The following DOCK1 variants were observed in gnomAD, a reference collection of about 807,000 sequenced individuals.
The protein encoded by DOCK1 is dedicator of cytokinesis protein 1.
A neutral mutation model predicts 262.7 loss-of-function variants in DOCK1; 138 were observed. The ratio of observed to expected loss-of-function variants is 0.53; its 90% CI spans 0.46 to 0.61. The LOEUF (loss-of-function observed/expected upper bound fraction) is 0.61. Among genes scored for constraint, DOCK1 ranks in the 20% least tolerant of loss-of-function variants. DOCK1 has a pLI of 0.00. For synonymous variants in DOCK1, 866 were observed against 867.4 expected, an observed-to-expected ratio of 1.00 and a Z score of 0.03; for missense variants, 1,908 against 2,370.7, an observed-to-expected ratio of 0.80 and a Z score of 4.05.
At chr10:127,270,546 TCTTCCTTC>T (rs1300834752) in intron 29 of DOCK1, among the ~76,000 whole-genome samples, 1 of 131,592 alleles carries the variant, frequency 7.6e-6, no homozygotes, top group South Asian at 2.9e-4. Flanking sequence ...TCCCTCCCTC[TCTTCCTTC>T]CTTCCTTCCT....
At chr10:127,169,749 C>T (rs1370285139) in intron 27 of DOCK1, among the ~76,000 whole-genome samples, 2 of 152,122 alleles carry the variant, frequency 1.3e-5, no homozygotes, top group East Asian at 3.9e-4. Context: ...GACCCTGAGC[C>T]CCTGCAGTAA....
intron 1 of DOCK1, among the ~76,000 whole-genome samples, chr10:126,954,081 C>T (rs1157487387): frequency 6.6e-6 from 1 of 152,228 alleles, no homozygotes; most frequent in East Asian, 1.9e-4. Context: ...TGTAAGCAAG[C>T]AAACAGGGTT....
At position 127,073,435 on chromosome 10, in the gene DOCK1, C is replaced by A. The variant is rs546914268; in HGVS notation, c.2445+11659C>A. Among the ~76,000 whole-genome samples the A allele has an allele frequency of 4.0e-3, 605 of 152,340 alleles. 1 individual carries two copies. Among genetic ancestry groups the A allele is most frequent in the Middle Eastern group, 6.8e-3 (2 of 294 alleles). Reference sequence around the variant, plus strand: ...GCTCCAGTAGTCTAATTACAGAAACCCAACTCCAATTCACATTAGAAAGAA... The same window carrying A: ...GCTCCAGTAGTCTAATTACAGAAACACAACTCCAATTCACATTAGAAAGAA... On this transcript the variant is annotated intron_variant, in intron 23 of 51. Coordinates refer to ENST00000623213, the MANE Select transcript of DOCK1 (RefSeq NM_001290223.2).
intron 38 of DOCK1, among the ~76,000 whole-genome samples, chr10:127,393,690 G>A (rs1220310375): frequency 1.3e-5 from 2 of 152,108 alleles, no homozygotes; most frequent in African/African-American, 4.8e-5. Flanking sequence ...TATTGGACAC[G>A]GGCTTTTGAA....
Position 127,106,304 on chromosome 10 carries a change from A to G in DOCK1, c.2516+3A>G, listed in dbSNP as rs1162803316. Reference sequence around the variant, plus strand: ...GTGTTTGATCCCAAAGAGCTCAGGTAAGTATGCAGCCCAGGCGAATGCTTG... The same window carrying G: ...GTGTTTGATCCCAAAGAGCTCAGGTGAGTATGCAGCCCAGGCGAATGCTTG... On this transcript the variant is annotated splice_donor_region_variant and intron_variant, in intron 24 of 51. Transcript: ENST00000623213. 3.1e-6 allele frequency: 5 copies of G among 1,594,340 alleles called. No individual in the cohort carries two copies. The African/African-American group carries it at 4.0e-5, about 13-fold the overall frequency.
intron 10 of DOCK1, among the ~76,000 whole-genome samples, chr10:127,005,333 G>GA (rs150192399): frequency 0.12 from 16,670 of 144,954 alleles, 1,031 homozygotes; most frequent in Non-Finnish European, 0.15. Flanking sequence ...CACTCAAAAA[G>GA]AAAAAAAAAA....
chr10:127,349,726 G>A (rs1265998080), intron 31 of DOCK1, among the ~76,000 whole-genome samples: 1 of 152,142 alleles, frequency 6.6e-6, no homozygotes, highest in Non-Finnish European at 1.5e-5. Flanking sequence ...AGGTTCTGAG[G>A]GAGAAGCTAT....
At chr10:126,983,216 T>G (rs2039106337) in intron 4 of DOCK1, among the ~76,000 whole-genome samples, 1 of 152,152 alleles carries the variant, frequency 6.6e-6, no homozygotes, top group African/African-American at 2.4e-5. Flanking sequence ...TTCTCCACAC[T>G]GTTTTCCTGG....
At chr10:127,095,977 C>G (rs577056319) in intron 23 of DOCK1, among the ~76,000 whole-genome samples, 1 of 151,982 alleles carries the variant, frequency 6.6e-6, no homozygotes, top group Admixed American at 6.6e-5. Context: ...TTGAGTGAAC[C>G]GAAGCATTGG....
intron 12 of DOCK1, among the ~76,000 whole-genome samples, chr10:127,017,021 T>A (rs2041981227): frequency 2.2e-5 from 1 of 45,186 alleles, no homozygotes; most frequent in East Asian, 5.9e-4. Flanking sequence ...AACACAGATA[T>A]GCAGATACAG....
Position 127,310,222 on chromosome 10 carries a change from TTTTCTATGAA to T in DOCK1, c.3045-28782_3045-28773del, listed in dbSNP as rs1248272365. 5.3e-5 allele frequency among the ~76,000 whole-genome samples: 8 copies of T among 152,166 alleles called. No individual in the cohort carries two copies. In the East Asian group the frequency reaches 1.4e-3, roughly 26 times the overall value. On this transcript the variant is annotated intron_variant, in intron 29 of 51. Coordinates refer to ENST00000623213, the MANE Select transcript of DOCK1 (RefSeq NM_001290223.2). ...TCCTGGTGAGAATCGGACCTGGGAT[TTTTCTATGAA>T]TGAGAGCCTGTTGTATGCCATACCC...
chr10:127,253,892 A>AG (rs2059744233), intron 28 of DOCK1, among the ~76,000 whole-genome samples: 3 of 150,890 alleles, frequency 2.0e-5, no homozygotes, highest in Admixed American at 6.6e-5. Context: ...AAAAAAAAAA[A>AG]AGGAAACCAT....
At chr10:127,364,644 G>C (rs913872996) in intron 33 of DOCK1, among the ~76,000 whole-genome samples, 1 of 152,192 alleles carries the variant, frequency 6.6e-6, no homozygotes, top group Non-Finnish European at 1.5e-5. Context: ...GATTACAGGC[G>C]TGAGCCACCG....
Position 127,176,619 on chromosome 10 carries a change from G to A in DOCK1, c.2847+48855G>A, listed in dbSNP as rs750775302. Among the ~76,000 whole-genome samples, 4 of 152,176 alleles carry A rather than the reference G, an allele frequency of 2.6e-5. No homozygotes were observed. Among genetic ancestry groups the A allele is most frequent in the Admixed American group, 6.5e-5 (1 of 15,278 alleles). On this transcript the variant is annotated intron_variant, in intron 27 of 51. Transcript: ENST00000623213. The surrounding 1 kb of genome is among the most constrained non-coding windows in gnomAD (Gnocchi z 4.4). ...ATATTAAAGCCTGCTTGCTTTTCCA[G>A]GTGGGATACACTCGCTTTCCTTTTG...
chr10:126,970,690 T>G lies in DOCK1; in HGVS notation c.47-12T>G. ...TACTATTACTAATATATTTCCCCTT[T>G]TTTCATCACAGCTTTTTATAACTAT... On this transcript the variant is annotated splice_polypyrimidine_tract_variant and intron_variant, in intron 1 of 51. Coordinates refer to ENST00000623213, the MANE Select transcript of DOCK1 (RefSeq NM_001290223.2). The G allele has an allele frequency of 6.2e-7, 1 of 1,603,942 alleles. No individual in the cohort carries two copies. Among genetic ancestry groups the G allele is most frequent in the South Asian group, 1.1e-5 (1 of 90,576 alleles).
At chr10:127,066,231 G>C (rs1158917291) in intron 23 of DOCK1, among the ~76,000 whole-genome samples, 1 of 151,862 alleles carries the variant, frequency 6.6e-6, no homozygotes, top group Non-Finnish European at 1.5e-5. Flanking sequence ...CCCCAGCTGC[G>C]GTGTCTCCAG....
chr10:127,323,409 G>T (rs759023973), intron 29 of DOCK1, among the ~76,000 whole-genome samples: 1 of 152,188 alleles, frequency 6.6e-6, no homozygotes, highest in Non-Finnish European at 1.5e-5. Context: ...CAAAGTGCTT[G>T]TGGTTCCTTT....
Position 127,426,017 on chromosome 10 carries a change from A to G in DOCK1, c.4914+6A>G, listed in dbSNP as rs1232076385. ...AGTACGGCGTCCGAATCATGGTAAG[A>G]GGGTAGTATGCGTAGTGTTGCAGAA... On this transcript the variant is annotated splice_donor_region_variant and intron_variant, in intron 47 of 51. Transcript: ENST00000623213. The G allele has an allele frequency of 1.2e-6, 2 of 1,613,710 alleles. No individual in the cohort carries two copies. Among genetic ancestry groups the G allele is most frequent in the Non-Finnish European group, 1.7e-6 (2 of 1,179,856 alleles).
chr10:127,294,973 A>T (rs939053376), intron 29 of DOCK1, among the ~76,000 whole-genome samples: 1 of 152,170 alleles, frequency 6.6e-6, no homozygotes, highest in African/African-American at 2.4e-5. Context: ...AGGATAGCAC[A>T]TATAGAATTA....
Sources: gnomAD v4.1 joint callset for allele counts (sites outside exome capture counted in the v4.1 genomes callset) on GRCh38, gnomAD v4.1.1 for gene constraint, Gnocchi (gnomAD v3.1) non-coding constraint, MANE v1.5 for transcripts, NCBI Gene and HGNC (gene_info 2026-07-23, HGNC 2026-07-21) for gene names.